The following RBFOX1 variants were observed in gnomAD, a reference collection of about 807,000 sequenced individuals.
RBFOX1 encodes the protein RNA binding fox-1 homolog 1.
Under a neutral mutation model 57.7 loss-of-function variants are expected in RBFOX1, and 8 were observed. That is an observed-to-expected ratio of 0.14 (90% CI 0.08 to 0.25). RBFOX1 has a LOEUF of 0.25. Among genes scored for constraint, RBFOX1 ranks in the 10% least tolerant of loss-of-function variants. The pLI is 1.00. For missense variants in RBFOX1, 611 were observed against 548.5 expected, an observed-to-expected ratio of 1.11 and a Z score of -1.14; for synonymous variants, 326 against 222.4, an observed-to-expected ratio of 1.47 and a Z score of -4.15.
intron 3 of RBFOX1, among the ~76,000 whole-genome samples, chr16:7,029,174 G>A (rs2042052251): frequency 4.9e-5 from 2 of 40,426 alleles, no homozygotes; most frequent in Admixed American, 3.1e-4. Flanking sequence ...ATATATATAC[G>A]TATACGTGTA....
chr16:6,846,068 G>C (rs1219028856), intron 3 of RBFOX1, among the ~76,000 whole-genome samples: 1 of 152,174 alleles, frequency 6.6e-6, no homozygotes, highest in Non-Finnish European at 1.5e-5. Flanking sequence ...GTTGTAATCT[G>C]TGTCCATTCA....
At chr16:5,984,335 A>G (rs963072800) in intron 4 of RBFOX1, among the ~76,000 whole-genome samples, 35 of 151,276 alleles carry the variant, frequency 2.3e-4, no homozygotes, top group African/African-American at 8.3e-4. Flanking sequence ...AAGGACAGGT[A>G]AGAAAGTCTT....
intron 9 of RBFOX1, among the ~76,000 whole-genome samples, chr16:7,599,014 C>G (rs949271075): frequency 6.6e-6 from 1 of 152,172 alleles, no homozygotes; most frequent in Non-Finnish European, 1.5e-5. Context: ...GACATACCGT[C>G]TATATAATAG....
chr16:7,681,119 G>A (rs887887124), intron 14 of RBFOX1, among the ~76,000 whole-genome samples: 26 of 152,234 alleles, frequency 1.7e-4, no homozygotes, highest in Middle Eastern at 3.4e-3. Context: ...GTAAGGATAA[G>A]TAGGCATATT....
At chr16:6,937,505 C>G (rs1567972088) in intron 3 of RBFOX1, among the ~76,000 whole-genome samples, 1 of 152,038 alleles carries the variant, frequency 6.6e-6, no homozygotes, top group Non-Finnish European at 1.5e-5. Flanking sequence ...ATAGGAGTGA[C>G]ACAGACATCA....
chr16:6,999,206 A>AT (rs1220412235), intron 3 of RBFOX1, among the ~76,000 whole-genome samples: 103 of 72,026 alleles, frequency 1.4e-3, no homozygotes, highest in East Asian at 5.9e-3. Context: ...TTTATTTTTT[A>AT]TTTTTATTTA....
At chr16:5,834,827 C>T (rs149060010) in intron 3 of RBFOX1, among the ~76,000 whole-genome samples, 1 of 150,112 alleles carries the variant, frequency 6.7e-6, no homozygotes, top group African/African-American at 2.4e-5. Context: ...GATAGACAGA[C>T]AGACAGACAG....
At chr16:5,744,217 A>T (rs930532502) in intron 3 of RBFOX1, among the ~76,000 whole-genome samples, 3 of 152,098 alleles carry the variant, frequency 2.0e-5, no homozygotes, top group African/African-American at 2.4e-5. Context: ...CATGCTCCTG[A>T]AACCCCTACT....
At chr16:5,855,888 C>T (rs2057014001) in intron 3 of RBFOX1, among the ~76,000 whole-genome samples, 1 of 150,262 alleles carries the variant, frequency 6.7e-6, no homozygotes, top group Non-Finnish European at 1.5e-5. Flanking sequence ...TCTTAAGTTT[C>T]CTTCATCAAT....
intron 1 of RBFOX1, among the ~76,000 whole-genome samples, chr16:6,129,972 C>A (rs35505825): frequency 0.065 from 9,896 of 151,992 alleles, 375 homozygotes; most frequent in African/African-American, 0.087. Context: ...GAAATAAACA[C>A]ATTTTCATCT....
chr16:6,168,747 T>C (rs1052348694), intron 1 of RBFOX1, among the ~76,000 whole-genome samples: 10 of 152,112 alleles, frequency 6.6e-5, no homozygotes, highest in African/African-American at 2.4e-4. Context: ...GAAGGAGTTG[T>C]GTTTAACTCT....
intron 3 of RBFOX1, among the ~76,000 whole-genome samples, chr16:6,879,614 A>G (rs571376533): frequency 1.1e-4 from 17 of 152,320 alleles, no homozygotes; most frequent in South Asian, 6.2e-4. Flanking sequence ...CTAAACATCA[A>G]TATGTCATGC....
intron 4 of RBFOX1, among the ~76,000 whole-genome samples, chr16:7,073,242 A>G (rs756169302): frequency 6.6e-6 from 1 of 152,166 alleles, no homozygotes; most frequent in Non-Finnish European, 1.5e-5. Context: ...ATAATATGTG[A>G]CTGAGACTAT....
chr16:5,387,536 C>T (rs775389830), intron 1 of RBFOX1, among the ~76,000 whole-genome samples: 24 of 152,178 alleles, frequency 1.6e-4, no homozygotes, highest in Non-Finnish European at 2.5e-4. Flanking sequence ...GATGAAAAGA[C>T]TGCCTTTAAA....
At chr16:7,022,872 C>A (rs1597275366) in intron 3 of RBFOX1, among the ~76,000 whole-genome samples, 1 of 152,188 alleles carries the variant, frequency 6.6e-6, no homozygotes, top group South Asian at 2.1e-4. Flanking sequence ...CTCCAATGTT[C>A]ACACAGCTAG....
intron 4 of RBFOX1, among the ~76,000 whole-genome samples, chr16:7,373,784 T>A (rs778238482): frequency 6.6e-6 from 1 of 152,192 alleles, no homozygotes; most frequent in African/African-American, 2.4e-5. Context: ...CCCCACACTT[T>A]GGGGTCTGGA....
At chr16:5,418,029 T>C (rs533106765) in intron 1 of RBFOX1, among the ~76,000 whole-genome samples, 3 of 152,068 alleles carry the variant, frequency 2.0e-5, no homozygotes, top group African/African-American at 7.3e-5. Context: ...TGCACTGAGC[T>C]GAGATTACTC....
chr16:7,646,330 C>A (rs1029748980), intron 11 of RBFOX1, among the ~76,000 whole-genome samples: 3 of 152,180 alleles, frequency 2.0e-5, no homozygotes, highest in African/African-American at 7.2e-5. Flanking sequence ...TGGTCCAGCA[C>A]ATGGAATGGG....
intron 5 of RBFOX1, among the ~76,000 whole-genome samples, chr16:7,523,897 G>T (rs1818290): frequency 0.94 from 142,498 of 152,236 alleles, 67,004 homozygotes; most frequent in Non-Finnish European, 0.98. Context: ...CTACATTTAT[G>T]GGGTGTACCT....
Sources: allele counts gnomAD v4.1 joint callset (sites outside exome capture counted in the v4.1 genomes callset), GRCh38; gene constraint gnomAD v4.1.1; transcripts MANE v1.5; gene names NCBI Gene and HGNC (gene_info 2026-07-23, HGNC 2026-07-21).